Variants in KNTC1 observed in about 807,000 individuals in gnomAD.
KNTC1 encodes the protein kinetochore associated 1.
In KNTC1, 253 loss-of-function variants were observed where a neutral mutation model predicts 314.4. The ratio of observed to expected loss-of-function variants is 0.80; its 90% CI spans 0.73 to 0.89. KNTC1 has a LOEUF of 0.89. Ranked by LOEUF, KNTC1 falls within the 40% of genes least tolerant of loss-of-function variation. The pLI is 0.00. For missense variants in KNTC1, 2,475 were observed against 2,572.9 expected (o/e 0.96, Z 0.82); for synonymous variants, 901 against 901.4 (o/e 1.00, Z 0.01).
At position 122,613,716 on chromosome 12, in the gene KNTC1, A is replaced by C; in HGVS notation, c.5832A>C (p.Glu1944Asp). 2 of 1,613,354 alleles carry C rather than the reference A, an allele frequency of 1.2e-6. No individual in the cohort carries two copies. Among genetic ancestry groups the C allele is most frequent in the Non-Finnish European group, 1.7e-6 (2 of 1,179,660 alleles). The stretch of plus-strand genomic sequence containing the variant: ...AATTATTTTGCAGCAGTCCTAAAGA[A>C]GGAATGATTAAGGGTCTGTGGAAAA... ...TYELFCSSPK[E>D]GMIKGLWKNH... Residue 1944 changes from glutamate (E) to aspartate (D), a missense_variant, in exon 55 of 64, where the codon GAA (glutamate) becomes GAC (aspartate). Coordinates refer to ENST00000333479, the MANE Select transcript of KNTC1 (RefSeq NM_014708.6).
At position 122,571,142 on chromosome 12, in the gene KNTC1, G is replaced by T; in HGVS notation, c.2019+16G>T. 1 of 1,571,980 alleles carries T rather than the reference G, an allele frequency of 6.4e-7. No homozygotes were observed. Among genetic ancestry groups the T allele is most frequent in the Admixed American group, 1.7e-5 (1 of 59,800 alleles). On this transcript the variant is annotated intron_variant, in intron 24 of 63. Transcript: ENST00000333479. The stretch of plus-strand genomic sequence containing the variant: ...GATTTCCTTGGTATGATGTGAGAAT[G>T]GATTTTTAGTAATGAAACAGTCAGT...
intron 10 of KNTC1, among the ~76,000 whole-genome samples, chr12:122,547,166 C>A (rs536407133): frequency 1.3e-5 from 2 of 151,790 alleles, no homozygotes; most frequent in African/African-American, 4.8e-5. Context: ...TAAGAAGACA[C>A]GTAGGCTAGG....
intron 59 of KNTC1, among the ~76,000 whole-genome samples, chr12:122,619,846 C>T (rs1874224752): frequency 6.6e-6 from 1 of 152,070 alleles, no homozygotes; most frequent in African/African-American, 2.4e-5. Flanking sequence ...TGGTGACTAC[C>T]CTAAATCATA....
chr12:122,598,273 T>A (rs1464137989), intron 44 of KNTC1, among the ~76,000 whole-genome samples: 2 of 152,180 alleles, frequency 1.3e-5, no homozygotes, highest in African/African-American at 4.8e-5. Context: ...GTAACTATCT[T>A]AAACTAAATA....
At position 122,575,837 on chromosome 12, in the gene KNTC1, A is replaced by G. The variant is rs200445300; in HGVS notation, c.2524A>G (p.Met842Val). ...LLQESYKLME[M>V]KKLLRGYGIR... ...ACAGGAAAGTTACAAACTAATGGAG[A>G]TGAAAAAACTTTTACGAGGCTATGG... The change falls in exon 29 of 64, where the codon ATG becomes GTG. Residue 842 changes from methionine (M) to valine (V), a missense_variant. By Grantham distance (21) the Met-to-Val change is conservative. Coordinates refer to ENST00000333479, the MANE Select transcript of KNTC1 (RefSeq NM_014708.6). 1.2e-6 allele frequency: 2 copies of G among 1,613,628 alleles called. No homozygotes were observed. Among genetic ancestry groups the G allele is most frequent in the Non-Finnish European group, 1.7e-6 (2 of 1,179,760 alleles).
chr12:122,612,397 G>GTTTTCTTTTTCT (rs202047595), intron 53 of KNTC1, among the ~76,000 whole-genome samples: 2 of 142,832 alleles, frequency 1.4e-5, no homozygotes, highest in Admixed American at 7.2e-5. Flanking sequence ...TTTGTCTTTG[G>GTTTTCTTTTTCT]TTTTCTTTTT....
At chr12:122,625,871 C>T (rs1005265644) in intron 63 of KNTC1, among the ~76,000 whole-genome samples, 1 of 151,974 alleles carries the variant, frequency 6.6e-6, no homozygotes, top group Non-Finnish European at 1.5e-5. Context: ...CTTTAGTAAA[C>T]CTAAGTATCG....
chr12:122,621,737 C>G (rs1874458269), intron 60 of KNTC1, 144 bp from the exon 61 acceptor site: 1 of 588,742 alleles, frequency 1.7e-6, no homozygotes, highest in African/African-American at 1.9e-5. Flanking sequence ...CATTCATACA[C>G]TCATTCCTTG....
intron 57 of KNTC1, 58 bp from the exon 58 acceptor site, chr12:122,618,285 A>G: frequency 6.6e-7 from 1 of 1,516,266 alleles, no homozygotes; most frequent in South Asian, 1.2e-5. Context: ...ACTGCAAATT[A>G]AAGAGAGTTT....
In KNTC1 at chr12:122,569,834, C is replaced by G; in HGVS notation, c.1860+10C>G. ...TGTGCCTGAAGGACAGGTGAGTTGTCTTCAGTATTTCCACTCTTGATGACT... is the reference window on the plus strand; with the variant it reads ...TGTGCCTGAAGGACAGGTGAGTTGTGTTCAGTATTTCCACTCTTGATGACT... On this transcript the variant is annotated intron_variant, in intron 22 of 63. Transcript: ENST00000333479. 6.3e-7 allele frequency: 1 copy of G among 1,598,846 alleles called. No individual in the cohort carries two copies. The highest frequency in any genetic ancestry group is 8.5e-7 in the Non-Finnish European group (1 of 1,173,888).
At chr12:122,585,896 G>A (rs930369650) in intron 37 of KNTC1, 122 bp downstream of exon 37, 11 of 828,552 alleles carry the variant, frequency 1.3e-5, no homozygotes, top group East Asian at 9.8e-5. Context: ...GTAATGTGGA[G>A]CTAAAGAAGC....
chr12:122,546,154 AG>A (rs1442495463), intron 8 of KNTC1, 21 bp from the exon 9 acceptor site: 24 of 1,451,874 alleles, frequency 1.7e-5, no homozygotes, highest in Non-Finnish European at 2.1e-5. Context: ...TTGCATTTTA[AG>A]TACTGTGTTC....
chr12:122,557,275 G>A, intron 16 of KNTC1, 109 bp from the exon 17 acceptor site: 1 of 1,002,552 alleles, frequency 1.0e-6, no homozygotes, highest in Non-Finnish European at 1.5e-6. Context: ...GAGCGCATGA[G>A]GATTCACCTT....
Position 122,598,421 on chromosome 12 carries a change from CTTTTTT to C in KNTC1, c.4563+495_4563+500del, listed in dbSNP as rs11395342. Among the ~76,000 whole-genome samples, 3 of 124,284 alleles carry C rather than the reference CTTTTTT, an allele frequency of 2.4e-5. No homozygotes were observed. In the South Asian group the frequency reaches 7.4e-4, roughly 31 times the overall value. The allele number at this position is 124,284 out of a possible 152,430, so 81.5% of individuals were successfully genotyped here. A position where few individuals can be genotyped will look rare whatever the true frequency, so the allele number is the denominator to read the frequency against. On this transcript the variant is annotated intron_variant, in intron 44 of 63. Coordinates refer to ENST00000333479, the MANE Select transcript of KNTC1 (RefSeq NM_014708.6). Reference sequence around the variant, plus strand: ...GAAATGTCTTTTTTCTTTTTCTTTTCTTTTTTTTTTTTTTTTTGAGACAAGGTCTTG... The same window carrying C: ...GAAATGTCTTTTTTCTTTTTCTTTTCTTTTTTTTTTTGAGACAAGGTCTTG...
intron 21 of KNTC1, among the ~76,000 whole-genome samples, chr12:122,569,162 A>G (rs1964528022): frequency 6.6e-6 from 1 of 152,206 alleles, no homozygotes; most frequent in Admixed American, 6.6e-5. Flanking sequence ...AAGTTAACCA[A>G]AAAAAGAGTC....
chr12:122,531,852 G>C (rs1961357508), intron 2 of KNTC1, among the ~76,000 whole-genome samples: 1 of 151,800 alleles, frequency 6.6e-6, no homozygotes, highest in Non-Finnish European at 1.5e-5. Flanking sequence ...TCCTGCCTCA[G>C]CCTCTCAAGT....
chr12:122,570,409 C>T (rs903533034), intron 22 of KNTC1, among the ~76,000 whole-genome samples: 6 of 150,890 alleles, frequency 4.0e-5, no homozygotes, highest in South Asian at 4.2e-4. Context: ...CACAGCCACT[C>T]GGGAGTCTGA....
chr12:122,547,717 T>A (rs1391049804), intron 11 of KNTC1, among the ~76,000 whole-genome samples, 187 bp downstream of exon 11: 2 of 152,250 alleles, frequency 1.3e-5, no homozygotes, highest in Admixed American at 6.5e-5. Flanking sequence ...AGTCATTTTG[T>A]TAGAAACTGT....
At chr12:122,569,918 C>A in intron 22 of KNTC1, 94 bp downstream of exon 22, 1 of 1,071,632 alleles carries the variant, frequency 9.3e-7, no homozygotes, top group Non-Finnish European at 1.3e-6. Context: ...CCAGTTAACA[C>A]CAGTTAGTTA....
Sources: allele counts gnomAD v4.1 joint callset (sites outside exome capture counted in the v4.1 genomes callset), GRCh38; gene constraint gnomAD v4.1.1; transcripts MANE v1.5; gene names NCBI Gene and HGNC (gene_info 2026-07-23, HGNC 2026-07-21).